Variants in POPDC1 observed in about 807,000 individuals in gnomAD.
POPDC1 encodes the protein popeye domain-containing protein 1.
chr6:105,121,268 C>CT, the POPDC1 span, among the ~76,000 whole-genome samples: 3,893 of 142,582 alleles, frequency 0.027, 148 homozygotes, highest in African/African-American at 0.085. Context: ...CTACTTTTAT[C>CT]TTTTTTTTTT....
the POPDC1 span, chr6:105,101,275 T>C: frequency 1.4e-6 from 2 of 1,425,720 alleles, no homozygotes; most frequent in Non-Finnish European, 1.9e-6. Context: ...CCTGGTGTGA[T>C]ATATCAATTA....
At chr6:105,102,620 G>A in the POPDC1 span, among the ~76,000 whole-genome samples, 1 of 152,116 alleles carries the variant, frequency 6.6e-6, no homozygotes, top group Non-Finnish European at 1.5e-5. Context: ...ACCTTTCTAG[G>A]CCTCTGTTTC....
the POPDC1 span, among the ~76,000 whole-genome samples, chr6:105,111,112 C>T: frequency 1.3e-5 from 2 of 152,128 alleles, no homozygotes; most frequent in African/African-American, 2.4e-5. Flanking sequence ...AAAAAAGACA[C>T]GGTTTAAACT....
chr6:105,131,809 A>C, the POPDC1 span, among the ~76,000 whole-genome samples: 2 of 148,218 alleles, frequency 1.3e-5, no homozygotes, highest in African/African-American at 5.0e-5. Context: ...AAAATTCATA[A>C]TTGATGTTTG....
the POPDC1 span, among the ~76,000 whole-genome samples, chr6:105,123,107 A>G: frequency 1.2e-3 from 178 of 152,326 alleles, 5 homozygotes; most frequent in East Asian, 0.03. Flanking sequence ...AGACTCTAAA[A>G]TAAGATTCTG....
chr6:105,102,143 G>A, the POPDC1 span, among the ~76,000 whole-genome samples: 3 of 152,150 alleles, frequency 2.0e-5, no homozygotes, highest in African/African-American at 7.2e-5. Flanking sequence ...AGGGTGGAGT[G>A]GCATTCCGGC....
the POPDC1 span, among the ~76,000 whole-genome samples, chr6:105,119,429 A>G: frequency 6.6e-6 from 1 of 152,218 alleles, no homozygotes. Context: ...GCTAATAAAG[A>G]AGTAGGATCA....
chr6:105,113,707 G>A, the POPDC1 span, among the ~76,000 whole-genome samples: 1 of 151,994 alleles, frequency 6.6e-6, no homozygotes, highest in East Asian at 1.9e-4. Flanking sequence ...TACTATGCAG[G>A]CCAGGTGCAG....
the POPDC1 span, chr6:105,133,331 A>G: frequency 1.9e-6 from 3 of 1,568,482 alleles, no homozygotes; most frequent in Non-Finnish European, 2.6e-6. Context: ...AGTTACATAA[A>G]GTATCAGTTA....
At chr6:105,128,654 T>A in the POPDC1 span, among the ~76,000 whole-genome samples, 1 of 152,258 alleles carries the variant, frequency 6.6e-6, no homozygotes, top group Non-Finnish European at 1.5e-5. Flanking sequence ...ATCATCTGCA[T>A]CATTCAAATT....
At chr6:105,114,399 C>A in the POPDC1 span, among the ~76,000 whole-genome samples, 180 of 152,312 alleles carry the variant, frequency 1.2e-3, no homozygotes, top group South Asian at 3.3e-3. Flanking sequence ...CTTTCCTACA[C>A]ACCAATTATA....
chr6:105,133,514 C>G, the POPDC1 span: 3 of 1,613,854 alleles, frequency 1.9e-6, no homozygotes, highest in Admixed American at 5.0e-5. Context: ...ATGATACTTT[C>G]TAACTCAGGT....
chr6:105,119,466 G>A, the POPDC1 span, among the ~76,000 whole-genome samples: 2 of 152,196 alleles, frequency 1.3e-5, no homozygotes, highest in East Asian at 1.9e-4. Context: ...TACAGGAAGA[G>A]GAGTATAAGC....
the POPDC1 span, among the ~76,000 whole-genome samples, chr6:105,104,372 G>A: frequency 6.6e-6 from 1 of 152,122 alleles, no homozygotes; most frequent in East Asian, 1.9e-4. Flanking sequence ...CATCTTGAGT[G>A]CTGTAACCAA....
At chr6:105,105,187 C>T in the POPDC1 span, among the ~76,000 whole-genome samples, 4 of 152,334 alleles carry the variant, frequency 2.6e-5, no homozygotes, top group East Asian at 3.9e-4. Context: ...AATCCCCCCC[C>T]AACTCCCTGT....
the POPDC1 span, among the ~76,000 whole-genome samples, chr6:105,111,163 C>A: frequency 6.6e-6 from 1 of 152,120 alleles, no homozygotes; most frequent in Non-Finnish European, 1.5e-5. Flanking sequence ...GATTGCATTG[C>A]CTACATTGTC....
the POPDC1 span, among the ~76,000 whole-genome samples, chr6:105,109,204 C>T: frequency 5.3e-5 from 8 of 152,102 alleles, no homozygotes; most frequent in South Asian, 2.1e-4. Context: ...GTGATTTGCC[C>T]GCCTTGGCCT....
the POPDC1 span, among the ~76,000 whole-genome samples, chr6:105,104,099 C>G: frequency 6.6e-6 from 1 of 152,100 alleles, no homozygotes; most frequent in South Asian, 2.1e-4. Flanking sequence ...TGCAAACTCA[C>G]TGCTCTTCAA....
chr6:105,117,034 A>T, the POPDC1 span, among the ~76,000 whole-genome samples: 3 of 152,212 alleles, frequency 2.0e-5, no homozygotes, highest in African/African-American at 7.2e-5. Context: ...TACACGTATA[A>T]AATTATGTTT....
Sources: gnomAD v4.1 joint callset for allele counts (sites outside exome capture counted in the v4.1 genomes callset) on GRCh38, gnomAD v4.1.1 for gene constraint, MANE v1.5 for transcripts, NCBI Gene and HGNC (gene_info 2026-07-23, HGNC 2026-07-21) for gene names.